The following DLG1 variants were observed in gnomAD, a reference collection of about 807,000 sequenced individuals.
The protein encoded by DLG1 is disks large homolog 1.
Under a neutral mutation model 123.4 loss-of-function variants are expected in DLG1, and 42 were observed. The observed-to-expected ratio is 0.34, with a 90% CI of 0.27 to 0.44. The LOEUF is 0.44. DLG1 is among the 20% of genes least tolerant of loss of function. The probability of loss-of-function intolerance (pLI) is 1.00; values close to 1 mark genes in which losing one functional copy is unlikely to be tolerated. For missense variants in DLG1, 942 were observed against 1,082.6 expected (o/e 0.87, Z 1.82); for synonymous variants, 317 against 356.2 (o/e 0.89, Z 1.24).
At chr3:197,171,912 C>A (rs1049260564) in intron 5 of DLG1, among the ~76,000 whole-genome samples, 1 of 152,088 alleles carries the variant, frequency 6.6e-6, no homozygotes, top group Admixed American at 6.5e-5. Flanking sequence ...AAAATGGGCC[C>A]TTAATGCTTC....
At chr3:197,072,202 T>G (rs138554132) in intron 18 of DLG1, among the ~76,000 whole-genome samples, 53 of 152,264 alleles carry the variant, frequency 3.5e-4, no homozygotes, top group African/African-American at 1.2e-3. Context: ...TTTTTTTTAT[T>G]TTTGCTGTTA....
intron 24 of DLG1, among the ~76,000 whole-genome samples, chr3:197,046,878 A>C (rs764477397): frequency 7.2e-5 from 11 of 151,972 alleles, no homozygotes; most frequent in Non-Finnish European, 1.0e-4. Context: ...TCAAAAAAAA[A>C]CAAAAGACAA....
intron 4 of DLG1, among the ~76,000 whole-genome samples, chr3:197,198,291 T>C (rs538851204): frequency 6.6e-6 from 1 of 152,090 alleles, no homozygotes; most frequent in East Asian, 1.9e-4. Context: ...AGTTCGAGAC[T>C]AGCCTTACTA....
intron 9 of DLG1, among the ~76,000 whole-genome samples, chr3:197,137,191 C>T (rs1785461858): frequency 6.6e-6 from 1 of 152,000 alleles, no homozygotes; most frequent in Admixed American, 6.6e-5. Context: ...AATTTCTCAG[C>T]TCTCCATTCC....
intron 5 of DLG1, among the ~76,000 whole-genome samples, chr3:197,187,502 CCT>C (rs1208323091): frequency 6.6e-6 from 1 of 152,036 alleles, no homozygotes; most frequent in Non-Finnish European, 1.5e-5. Context: ...GCTCATTGAC[CCT>C]GTTTTTTCTG....
chr3:197,262,913 T>C (rs1232635768), intron 4 of DLG1, among the ~76,000 whole-genome samples: 1 of 152,198 alleles, frequency 6.6e-6, no homozygotes, highest in Non-Finnish European at 1.5e-5. Context: ...AACACATCCC[T>C]TATCCCATGC....
chr3:197,271,402 T>C lies in DLG1; in HGVS notation c.318+11277A>G, dbSNP rs1283459062. Among the ~76,000 whole-genome samples the C allele has an allele frequency of 3.9e-5, 6 of 152,174 alleles. No homozygotes were observed. In the East Asian group the frequency reaches 1.2e-3, roughly 29 times the overall value. Reference sequence around the variant, plus strand: ...CACACTTAGTGGCAGGAAGCATCCTTGTATTAGTTTTTCCCCTTCCTATAC... The same window carrying C: ...CACACTTAGTGGCAGGAAGCATCCTCGTATTAGTTTTTCCCCTTCCTATAC... On this transcript the variant is annotated intron_variant, in intron 4 of 24. Transcript: ENST00000667157.
At chr3:197,162,355 A>G (rs1259470910) in intron 5 of DLG1, among the ~76,000 whole-genome samples, 4 of 152,188 alleles carry the variant, frequency 2.6e-5, no homozygotes, top group Non-Finnish European at 5.9e-5. Context: ...CTGGCTTGTT[A>G]TTTTTAAAAG....
intron 24 of DLG1, among the ~76,000 whole-genome samples, chr3:197,049,841 T>C (rs752311906): frequency 6.6e-6 from 1 of 152,154 alleles, no homozygotes; most frequent in Non-Finnish European, 1.5e-5. Flanking sequence ...GGAAGAACGA[T>C]TGCTTGAGCC....
rs1206373253 is a variant in DLG1, at chr3:197,090,975, T to G, written c.1598A>C (p.Asn533Thr). The change falls in exon 15 of 25, where the codon AAT becomes ACT. Residue 533 changes from asparagine to threonine, a missense_variant. Transcript: ENST00000667157. ...ACCTGACCCTGAACTAATACTACTA[T>G]TCATCATCTGCTCCCGTAAATCATG... Reference protein sequence around the residue: ...KIHDLREQMMNSSISSGSGSL... With the variant: ...KIHDLREQMMTSSISSGSGSL... 1.9e-6 allele frequency: 3 copies of G among 1,612,570 alleles called. No homozygotes were observed. Among genetic ancestry groups the G allele is most frequent in the Non-Finnish European group, 2.5e-6 (3 of 1,178,966 alleles).
intron 4 of DLG1, among the ~76,000 whole-genome samples, chr3:197,223,315 C>T (rs1738140643): frequency 6.6e-6 from 1 of 152,144 alleles, no homozygotes; most frequent in East Asian, 1.9e-4. Context: ...CACACTCTCA[C>T]TCTGACACAC....
At chr3:197,298,083 G>T (rs944088712) in intron 1 of DLG1, 1 of 282,706 alleles carries the variant, frequency 3.5e-6, no homozygotes, top group Non-Finnish European at 5.3e-6. Context: ...CTCCTTCCGC[G>T]CCCCCAACCG....
chr3:197,073,272 T>G (rs778806547), intron 18 of DLG1, among the ~76,000 whole-genome samples: 4 of 152,214 alleles, frequency 2.6e-5, no homozygotes, highest in Non-Finnish European at 5.9e-5. Context: ...GAAACCTACG[T>G]GCCTGAGGAA....
At chr3:197,218,684 T>G (rs921465539) in intron 4 of DLG1, among the ~76,000 whole-genome samples, 1 of 152,226 alleles carries the variant, frequency 6.6e-6, no homozygotes, top group Non-Finnish European at 1.5e-5. Flanking sequence ...AAAAAATCAG[T>G]AATTTTTGCT....
intron 4 of DLG1, among the ~76,000 whole-genome samples, chr3:197,203,196 T>G (rs1160600406): frequency 6.6e-6 from 1 of 152,046 alleles, no homozygotes; most frequent in Non-Finnish European, 1.5e-5. Flanking sequence ...CCCGGGAGGT[T>G]GAGGCTGCAG....
intron 4 of DLG1, among the ~76,000 whole-genome samples, chr3:197,261,193 TAGGC>T (rs1561748907): frequency 7.2e-5 from 11 of 152,238 alleles, no homozygotes; most frequent in African/African-American, 2.7e-4. Flanking sequence ...TGGAGCTAGA[TAGGC>T]TAACAGACAC....
At chr3:197,139,037 A>G (rs1175354557) in intron 8 of DLG1, among the ~76,000 whole-genome samples, 1 of 152,172 alleles carries the variant, frequency 6.6e-6, no homozygotes, top group Non-Finnish European at 1.5e-5. Flanking sequence ...TATTTTTTGA[A>G]ATTTATATAA....
chr3:197,063,611 T>C (rs540348777), intron 22 of DLG1, among the ~76,000 whole-genome samples: 2 of 152,346 alleles, frequency 1.3e-5, no homozygotes, highest in African/African-American at 4.8e-5. Context: ...ATTAATTCAA[T>C]CACTTTTATC....
At chr3:197,252,601 A>C (rs1754991030) in intron 4 of DLG1, among the ~76,000 whole-genome samples, 1 of 152,196 alleles carries the variant, frequency 6.6e-6, no homozygotes, top group Non-Finnish European at 1.5e-5. Context: ...TGAGGGAATG[A>C]GGAGTTATGT....
Sources: allele counts gnomAD v4.1 joint callset (sites outside exome capture counted in the v4.1 genomes callset), GRCh38; gene constraint gnomAD v4.1.1; transcripts MANE v1.5; gene names NCBI Gene and HGNC (gene_info 2026-07-23, HGNC 2026-07-21).